The following MSH3 variants were observed in gnomAD, a reference collection of about 807,000 sequenced individuals.
MSH3 encodes the protein mutS homolog 3.
MSH3 carries 106 observed loss-of-function variants against 123.3 expected under a neutral mutation model. That is an observed-to-expected ratio of 0.86 (90% CI 0.73 to 1.01). MSH3 has a LOEUF of 1.01. Among genes scored for constraint, MSH3 ranks in the 50% least tolerant of loss-of-function variants. MSH3 has a pLI of 0.00. For missense variants in MSH3, 1,459 were observed against 1,347.6 expected, an observed-to-expected ratio of 1.08 and a Z score of -1.29; for synonymous variants, 515 against 481.4, an observed-to-expected ratio of 1.07 and a Z score of -0.91.
intron 12 of MSH3, among the ~76,000 whole-genome samples, chr5:80,745,411 C>G (rs947318376): frequency 1.3e-5 from 2 of 152,172 alleles, no homozygotes; most frequent in African/African-American, 2.4e-5. Flanking sequence ...TGCACACTTT[C>G]TATTTACTGG....
intron 10 of MSH3, among the ~76,000 whole-genome samples, chr5:80,730,894 A>ATTTTTTTTTTTTTTTTTTTTTTTTTT (rs59224150): frequency 1.6e-5 from 2 of 127,780 alleles, no homozygotes; most frequent in Admixed American, 8.4e-5. Flanking sequence ...ATATATATAT[A>ATTTTTTTTTTTTTTTTTTTTTTTTTT]TTTTTTTTTT....
chr5:80,766,338 C>G lies in MSH3; in HGVS notation c.1897-1595C>G, dbSNP rs574294355. Among the ~76,000 whole-genome samples, 905 of 136,222 alleles carry G rather than the reference C, an allele frequency of 6.6e-3. 12 individuals are homozygous for G. The highest frequency in any genetic ancestry group is 0.012 in the Middle Eastern group (3 of 260). 89.4% of individuals were successfully genotyped at this position (136,222 alleles called of 152,430 possible). ...GTCTTCTTTTCTAGTGTGTTTTTTTCCTTTTTTTTTTTTTTTTTTTTTTTT... is the reference window on the plus strand; with the variant it reads ...GTCTTCTTTTCTAGTGTGTTTTTTTGCTTTTTTTTTTTTTTTTTTTTTTTT... On this transcript the variant is annotated intron_variant, in intron 13 of 23. Transcript: ENST00000265081.
At position 80,678,980 on chromosome 5, in the gene MSH3, T is replaced by G. The variant is rs754659741; in HGVS notation, c.1227T>G (p.Ala409=). The G allele has an allele frequency of 1.9e-6, 3 of 1,614,204 alleles. No individual in the cohort carries two copies. Among genetic ancestry groups the G allele is most frequent in the Non-Finnish European group, 2.5e-6 (3 of 1,180,014 alleles). ...TGTTTGATAGTTTCCAGGACTCTGC[T>G]TCTCGTTCAGAGCTAGAAACCCGGA... is the stretch of plus-strand genomic sequence containing the variant. The part of the protein sequence containing the change: ...EVVFDSFQDS[A]SRSELETRMS... The change falls in exon 8 of 24, where the codon GCT becomes GCG. Residue 409 remains alanine (A), a synonymous_variant. Coordinates refer to ENST00000265081, the MANE Select transcript of MSH3 (RefSeq NM_002439.5).
intron 17 of MSH3, among the ~76,000 whole-genome samples, chr5:80,784,138 AG>A (rs1744457297): frequency 7.4e-6 from 1 of 134,980 alleles, no homozygotes; most frequent in Non-Finnish European, 1.6e-5. Context: ...GGAATCTGGG[AG>A]GCGGAGGTTG....
intron 11 of MSH3, among the ~76,000 whole-genome samples, chr5:80,743,562 C>CAACTCAAGTGGAAACAGCCATTTTA (rs1479695787): frequency 2.5e-4 from 18 of 71,756 alleles, no homozygotes; most frequent in South Asian, 4.1e-4. Flanking sequence ...TAAAAAAACC[C>CAACTCAAGTGGAAACAGCCATTTTA]GGCCGGGCGC....
At chr5:80,817,192 A>G (rs1745119648) in intron 20 of MSH3, among the ~76,000 whole-genome samples, 1 of 152,246 alleles carries the variant, frequency 6.6e-6, no homozygotes, top group Non-Finnish European at 1.5e-5. Flanking sequence ...ACAGGACATT[A>G]CAGTGTCATG....
At chr5:80,745,407 C>G (rs1191942475) in intron 12 of MSH3, among the ~76,000 whole-genome samples, 1 of 152,184 alleles carries the variant, frequency 6.6e-6, no homozygotes, top group Non-Finnish European at 1.5e-5. Flanking sequence ...TTATTGCACA[C>G]TTTCTATTTA....
chr5:80,764,447 C>T (rs1043123489), intron 13 of MSH3, among the ~76,000 whole-genome samples: 2 of 151,814 alleles, frequency 1.3e-5, no homozygotes, highest in African/African-American at 4.8e-5. Context: ...GCGACCACAG[C>T]TCACTACAGC....
intron 10 of MSH3, among the ~76,000 whole-genome samples, chr5:80,739,656 G>A (rs1370082050): frequency 2.6e-5 from 4 of 152,206 alleles, no homozygotes; most frequent in African/African-American, 7.2e-5. Flanking sequence ...TTTTGGAGTT[G>A]CTTCCCGCTG....
At chr5:80,843,345 G>A (rs1484844403) in intron 20 of MSH3, among the ~76,000 whole-genome samples, 1 of 152,158 alleles carries the variant, frequency 6.6e-6, no homozygotes, top group Admixed American at 6.5e-5. Context: ...TGTTCATCAG[G>A]GATATTGGTC....
chr5:80,783,040 A>T (rs1744437601), intron 17 of MSH3, among the ~76,000 whole-genome samples: 1 of 152,218 alleles, frequency 6.6e-6, no homozygotes, highest in Admixed American at 6.5e-5. Context: ...CAAATTATTT[A>T]AAAATTGAAT....
In MSH3 at chr5:80,658,035, C is replaced by CCTTTTTTTT. The variant is rs369384745; in HGVS notation, c.358+1504_358+1505insCTTTTTTTT. Among the ~76,000 whole-genome samples, 11 of 87,216 alleles carry CCTTTTTTTT rather than the reference C, an allele frequency of 1.3e-4. 2 individuals are homozygous for CCTTTTTTTT. The highest frequency in any genetic ancestry group is 1.6e-4 in the Non-Finnish European group (7 of 45,016). The allele number at this position is 87,216 out of a possible 152,430, so 57.2% of individuals were successfully genotyped here. On this transcript the variant is annotated intron_variant, in intron 2 of 23. Coordinates refer to ENST00000265081, the MANE Select transcript of MSH3 (RefSeq NM_002439.5). ...ATTTTTCCTAAGAATGCTTTTTGCC[C>CCTTTTTTTT]TCTTTTTTTTTTTTTGAGATAGGGT... is the stretch of plus-strand genomic sequence containing the variant.
chr5:80,680,727 A>G (rs1749954610), intron 8 of MSH3, among the ~76,000 whole-genome samples: 1 of 150,790 alleles, frequency 6.6e-6, no homozygotes, highest in Admixed American at 6.6e-5. Flanking sequence ...ATTTTTCTAC[A>G]CTCCCTCCCC....
At chr5:80,666,778 G>A (rs1580547778) in intron 3 of MSH3, among the ~76,000 whole-genome samples, 3 of 152,330 alleles carry the variant, frequency 2.0e-5, no homozygotes, top group Admixed American at 2.0e-4. Flanking sequence ...ATGGCAAAAA[G>A]CTACTGAGTG....
At chr5:80,681,385 T>C (rs985138855) in intron 8 of MSH3, among the ~76,000 whole-genome samples, 3 of 152,060 alleles carry the variant, frequency 2.0e-5, no homozygotes, top group Non-Finnish European at 4.4e-5. Context: ...GAAATGGTGA[T>C]CAAGAGCTTT....
At chr5:80,792,031 C>A (rs6151843) in intron 18 of MSH3, among the ~76,000 whole-genome samples, 1 of 151,950 alleles carries the variant, frequency 6.6e-6, no homozygotes, top group South Asian at 2.1e-4. Flanking sequence ...TACAAAAGAC[C>A]GTAGAAAGAT....
chr5:80,663,367 C>T (rs1028815505), intron 2 of MSH3, among the ~76,000 whole-genome samples: 1 of 152,112 alleles, frequency 6.6e-6, no homozygotes, highest in Admixed American at 6.5e-5. Context: ...GCTAGGCTTG[C>T]AGAGAATTAC....
Position 80,656,405 on chromosome 5 carries a change from A to C in MSH3, c.238-6A>C. 1 of 1,614,088 alleles carries C rather than the reference A, an allele frequency of 6.2e-7. No individual in the cohort carries two copies. The highest frequency in any genetic ancestry group is 8.5e-7 in the Non-Finnish European group (1 of 1,179,994). On this transcript the variant is annotated splice_polypyrimidine_tract_variant and splice_region_variant and intron_variant, in intron 1 of 23. Coordinates refer to ENST00000265081, the MANE Select transcript of MSH3 (RefSeq NM_002439.5). ...AACACATCATTTTCTAACCTTCCCG[A>C]TATAGGCTACAGAAATTGACAGAAG...
intron 6 of MSH3, among the ~76,000 whole-genome samples, chr5:80,674,589 TTATC>T: frequency 1.3e-5 from 2 of 152,286 alleles, no homozygotes; most frequent in Middle Eastern, 6.8e-3. Flanking sequence ...AAGATACTGG[TTATC>T]TGTCTTTATG....
Sources: allele counts gnomAD v4.1 joint callset (sites outside exome capture counted in the v4.1 genomes callset), GRCh38; gene constraint gnomAD v4.1.1; transcripts MANE v1.5; gene names NCBI Gene and HGNC (gene_info 2026-07-23, HGNC 2026-07-21).